Variants in PTPRO observed in about 807,000 individuals in gnomAD.
The protein encoded by PTPRO is receptor-type tyrosine-protein phosphatase O.
Under a neutral mutation model 145.2 loss-of-function variants are expected in PTPRO, and 62 were observed. That is an observed-to-expected ratio of 0.43 (90% CI 0.35 to 0.53). The LOEUF (loss-of-function observed/expected upper bound fraction) is 0.53, where lower values mean the gene tolerates loss of function less well. PTPRO is among the 20% of genes least tolerant of loss of function. PTPRO has a pLI of 0.01. For missense variants in PTPRO, 1,345 were observed against 1,482.7 expected, an observed-to-expected ratio of 0.91 and a Z score of 1.53; for synonymous variants, 565 against 514.7, an observed-to-expected ratio of 1.10 and a Z score of -1.32.
intron 1 of PTPRO, among the ~76,000 whole-genome samples, chr12:15,328,350 C>T (rs1866506679): frequency 6.6e-6 from 1 of 152,150 alleles, no homozygotes; most frequent in East Asian, 1.9e-4. Context: ...GCATCTAATT[C>T]CCGAATGAAA....
In PTPRO at chr12:15,417,353, C is replaced by G. The variant is rs61429246; in HGVS notation, c.76-66621C>G. Among the ~76,000 whole-genome samples, 1,143 of 151,914 alleles carry G rather than the reference C, an allele frequency of 7.5e-3. 107 individuals carry two copies. The East Asian group carries it at 0.18, about 24-fold the overall frequency. On this transcript the variant is annotated intron_variant, in intron 1 of 26. Transcript: ENST00000281171. ...TCAAGACAAATAAAAGTGAATACCA[C>G]ACATACTACTTGTGAACTTTTAATA...
At chr12:15,568,952 C>T (rs1453419007) in intron 18 of PTPRO, among the ~76,000 whole-genome samples, 1 of 152,146 alleles carries the variant, frequency 6.6e-6, no homozygotes, top group Non-Finnish European at 1.5e-5. Context: ...TGTATGTCAA[C>T]CCTGTAGCTG....
intron 1 of PTPRO, among the ~76,000 whole-genome samples, chr12:15,376,813 C>A (rs1938702789): frequency 6.6e-6 from 1 of 152,156 alleles, no homozygotes; most frequent in African/African-American, 2.4e-5. Context: ...CTCTCATAAC[C>A]TAATCACCTC....
At chr12:15,548,520 GTATATATA>G (rs547973302) in intron 13 of PTPRO, among the ~76,000 whole-genome samples, 1 of 139,696 alleles carries the variant, frequency 7.2e-6, no homozygotes, top group Non-Finnish European at 1.6e-5. Flanking sequence ...ATATATGTGT[GTATATATA>G]TGTGTGTGTG....
chr12:15,498,147 G>A (rs555659652), intron 3 of PTPRO, among the ~76,000 whole-genome samples: 16 of 152,218 alleles, frequency 1.1e-4, no homozygotes, highest in Non-Finnish European at 1.9e-4. Flanking sequence ...TTGGTGGAAA[G>A]AGAAAGTATT....
intron 1 of PTPRO, among the ~76,000 whole-genome samples, chr12:15,383,604 T>C (rs536604760): frequency 2.6e-5 from 4 of 152,310 alleles, no homozygotes; most frequent in African/African-American, 9.6e-5. Context: ...GGGTTACACC[T>C]TAATTTTAAA....
chr12:15,504,383 T>C (rs946126764), intron 6 of PTPRO, among the ~76,000 whole-genome samples: 12 of 152,120 alleles, frequency 7.9e-5, no homozygotes, highest in Admixed American at 3.3e-4. Flanking sequence ...GTTTGGGAAA[T>C]ACGACATTTG....
chr12:15,410,371 A>T (rs1939766168), intron 1 of PTPRO: 1 of 152,184 alleles, frequency 6.6e-6, no homozygotes, highest in African/African-American at 2.4e-5. Context: ...GATGGGCATG[A>T]TTCAATCCAT....
At chr12:15,439,373 C>T (rs1040226533) in intron 1 of PTPRO, among the ~76,000 whole-genome samples, 1 of 152,148 alleles carries the variant, frequency 6.6e-6, no homozygotes, top group African/African-American at 2.4e-5. Context: ...ATAGAAACTA[C>T]AAAGCAACCA....
Position 15,397,549 on chromosome 12 carries a change from C to T in PTPRO, c.75+74748C>T, listed in dbSNP as rs928073300. The stretch of plus-strand genomic sequence containing the variant: ...CACACTTGCCTGAAATTGGATTTCA[C>T]AGGTTCATTTTACCTCCAACTGAGA... On this transcript the variant is annotated intron_variant, in intron 1 of 26. Coordinates refer to ENST00000281171, the MANE Select transcript of PTPRO (RefSeq NM_030667.3). Among the ~76,000 whole-genome samples, 8 of 152,268 alleles carry T rather than the reference C, an allele frequency of 5.3e-5. No homozygotes were observed. In the East Asian group the frequency reaches 1.5e-3, roughly 29 times the overall value.
chr12:15,513,225 G>GAA (rs775330388), intron 7 of PTPRO, among the ~76,000 whole-genome samples: 1 of 109,002 alleles, frequency 9.2e-6, no homozygotes, highest in East Asian at 3.4e-4. Flanking sequence ...AAGAAAGAAA[G>GAA]AAAAGAAAGA....
At chr12:15,464,850 A>T (rs1158585070) in intron 1 of PTPRO, among the ~76,000 whole-genome samples, 1 of 152,208 alleles carries the variant, frequency 6.6e-6, no homozygotes, top group Non-Finnish European at 1.5e-5. Context: ...ACATTTCTGT[A>T]AAGAATTCTA....
chr12:15,322,730 G>T lies in PTPRO; in HGVS notation c.4G>T (p.Gly2Trp). The change falls in exon 1 of 27, where the codon GGG (glycine) becomes TGG (tryptophan). Residue 2 changes from glycine to tryptophan, a missense_variant. Gly to Trp is a radical substitution (Grantham distance 184, BLOSUM62 -2). Coordinates refer to ENST00000281171, the MANE Select transcript of PTPRO (RefSeq NM_030667.3). The surrounding 1 kb of genome is among the most constrained non-coding windows in gnomAD (Gnocchi z 6.3). Reference protein sequence around the residue: MGHLPTGIHGAR... With the variant: MWHLPTGIHGAR... Reference sequence around the variant, plus strand: ...CCGAGTCCCCGTCCGCGCAGCGATGGGGCACCTGCCCACGGGGATACACGG... The same window carrying T: ...CCGAGTCCCCGTCCGCGCAGCGATGTGGCACCTGCCCACGGGGATACACGG... 6.2e-7 allele frequency: 1 copy of T among 1,611,728 alleles called. No homozygotes were observed. Among genetic ancestry groups the T allele is most frequent in the Non-Finnish European group, 8.5e-7 (1 of 1,179,166 alleles).
chr12:15,448,357 A>AAAAAAAAAAAAAAACAT (rs1565635332), intron 1 of PTPRO, among the ~76,000 whole-genome samples: 1 of 149,540 alleles, frequency 6.7e-6, no homozygotes, highest in African/African-American at 2.4e-5. Context: ...AAAAAAAAAA[A>AAAAAAAAAAAAAAACAT]AAAGCACCGA....
At chr12:15,480,971 ACAGT>A (rs1159928439) in intron 1 of PTPRO, among the ~76,000 whole-genome samples, 5 of 152,218 alleles carry the variant, frequency 3.3e-5, no homozygotes, top group Non-Finnish European at 7.3e-5. Flanking sequence ...TGCTGGAGAA[ACAGT>A]CAGAGAGGAA....
intron 2 of PTPRO, among the ~76,000 whole-genome samples, chr12:15,488,573 T>C (rs1941938385): frequency 6.6e-6 from 1 of 152,222 alleles, no homozygotes. Context: ...AGTTGACATA[T>C]TTCTCCTGAG....
chr12:15,570,159 A>T (rs1249808749), intron 19 of PTPRO, among the ~76,000 whole-genome samples: 6 of 152,204 alleles, frequency 3.9e-5, no homozygotes, highest in Admixed American at 1.3e-4. Context: ...ATATCTCAGC[A>T]GTGTGGGGGA....
chr12:15,383,484 A>G (rs1938926514), intron 1 of PTPRO, among the ~76,000 whole-genome samples: 2 of 152,204 alleles, frequency 1.3e-5, no homozygotes, highest in African/African-American at 4.8e-5. Flanking sequence ...TGTTGATGAT[A>G]AAAAACAATG....
intron 1 of PTPRO, among the ~76,000 whole-genome samples, chr12:15,361,024 G>C (rs1199730673): frequency 6.9e-6 from 1 of 145,956 alleles, no homozygotes; most frequent in Admixed American, 6.8e-5. Flanking sequence ...TAAACATATA[G>C]GTATATGTTT....
Sources: allele counts gnomAD v4.1 joint callset (sites outside exome capture counted in the v4.1 genomes callset), GRCh38; gene constraint gnomAD v4.1.1; non-coding constraint Gnocchi (gnomAD v3.1); transcripts MANE v1.5; gene names NCBI Gene and HGNC (gene_info 2026-07-23, HGNC 2026-07-21).